The following GLIS3 variants were observed in gnomAD, a reference collection of about 807,000 sequenced individuals.
GLIS3 encodes the protein GLIS family zinc finger 3, also known as zinc finger protein GLIS3.
A neutral mutation model predicts 78.6 loss-of-function variants in GLIS3; 53 were observed. The ratio of observed to expected loss-of-function variants is 0.67; its 90% CI spans 0.54 to 0.85. The LOEUF (loss-of-function observed/expected upper bound fraction) is 0.85, where lower values mean the gene tolerates loss of function less well. Among genes scored for constraint, GLIS3 ranks in the 40% least tolerant of loss-of-function variants. The pLI is 0.00. For missense variants in GLIS3, 1,703 were observed against 1,231.1 expected (o/e 1.38, Z -5.74); for synonymous variants, 684 against 509.9 (o/e 1.34, Z -4.60).
intron 6 of GLIS3, among the ~76,000 whole-genome samples, chr9:3,900,518 C>CAAAT (rs1823216012): frequency 6.6e-6 from 1 of 151,950 alleles, no homozygotes; most frequent in South Asian, 2.1e-4. Flanking sequence ...ATATATAAAA[C>CAAAT]AAATAGCATT....
chr9:4,231,489 A>C (rs760776983), intron 2 of GLIS3, among the ~76,000 whole-genome samples: 19 of 152,340 alleles, frequency 1.2e-4, no homozygotes, highest in Middle Eastern at 3.4e-3. Flanking sequence ...ATTTGGAGAG[A>C]TCTTCCAGAA....
chr9:3,990,523 T>C (rs527270967), intron 4 of GLIS3, among the ~76,000 whole-genome samples: 1 of 152,318 alleles, frequency 6.6e-6, no homozygotes, highest in African/African-American at 2.4e-5. Flanking sequence ...ATTTAATCTG[T>C]GGCATGCGAA....
intron 2 of GLIS3, among the ~76,000 whole-genome samples, chr9:4,317,718 G>A (rs574720192): frequency 8.4e-4 from 128 of 152,216 alleles, no homozygotes; most frequent in African/African-American, 3.0e-3. Context: ...AAATGAGCAG[G>A]CATTATTCAA....
At chr9:3,855,152 A>C (rs377559079) in intron 9 of GLIS3, among the ~76,000 whole-genome samples, 1 of 152,222 alleles carries the variant, frequency 6.6e-6, no homozygotes, top group Non-Finnish European at 1.5e-5. Flanking sequence ...TGGCAATTCA[A>C]CTTTCTATGG....
chr9:4,015,802 C>A (rs959216773), intron 4 of GLIS3, among the ~76,000 whole-genome samples: 2 of 147,804 alleles, frequency 1.4e-5, no homozygotes, highest in Admixed American at 1.4e-4. Context: ...GGCAGGAGAA[C>A]TGCTTGAACC....
At chr9:3,984,512 G>A (rs1819568434) in intron 4 of GLIS3, among the ~76,000 whole-genome samples, 1 of 152,214 alleles carries the variant, frequency 6.6e-6, no homozygotes. Context: ...TTTACCCAAT[G>A]CCTGTACCCC....
chr9:4,285,329 T>A (rs1215434447), intron 2 of GLIS3, among the ~76,000 whole-genome samples: 1 of 152,180 alleles, frequency 6.6e-6, no homozygotes, highest in Non-Finnish European at 1.5e-5. Flanking sequence ...TCACCAACAA[T>A]TATTCTTTAA....
At chr9:4,167,616 T>C (rs573326293) in intron 2 of GLIS3, among the ~76,000 whole-genome samples, 9 of 152,116 alleles carry the variant, frequency 5.9e-5, no homozygotes, top group Non-Finnish European at 1.2e-4. Flanking sequence ...GTACATAAAG[T>C]GAGGATTAGA....
intron 2 of GLIS3, among the ~76,000 whole-genome samples, chr9:4,182,196 G>A (rs1817390134): frequency 6.6e-6 from 1 of 152,026 alleles, no homozygotes; most frequent in East Asian, 1.9e-4. Context: ...TTTCAAATTG[G>A]TGCCATCTGG....
chr9:4,098,865 G>T (rs901615717), intron 4 of GLIS3, among the ~76,000 whole-genome samples: 1 of 152,038 alleles, frequency 6.6e-6, no homozygotes, highest in Admixed American at 6.6e-5. Context: ...ACATAAACCC[G>T]CATGCAGAGC....
At chr9:4,138,778 T>C (rs986839916) in intron 2 of GLIS3, among the ~76,000 whole-genome samples, 1 of 152,184 alleles carries the variant, frequency 6.6e-6, no homozygotes, top group Non-Finnish European at 1.5e-5. Flanking sequence ...ATAAGTCACG[T>C]ATGTAGACCA....
At chr9:4,397,381 A>C in the GLIS3 span, among the ~76,000 whole-genome samples, 1 of 151,604 alleles carries the variant, frequency 6.6e-6, no homozygotes, top group Admixed American at 6.6e-5. Context: ...AACCTATTGC[A>C]AGTTTGAAGA....
At chr9:4,246,263 A>G (rs867240883) in intron 2 of GLIS3, among the ~76,000 whole-genome samples, 5 of 152,304 alleles carry the variant, frequency 3.3e-5, no homozygotes, top group Middle Eastern at 6.8e-3. Flanking sequence ...ACAATTTTAA[A>G]TAACTATTTC....
At chr9:4,454,585 A>G in the GLIS3 span, among the ~76,000 whole-genome samples, 1,529 of 152,302 alleles carry the variant, frequency 0.01, 17 homozygotes, top group Non-Finnish European at 0.014. Context: ...TCTAGGAGAT[A>G]CTAGTGGACA....
At chr9:4,175,989 T>A (rs1474738855) in intron 2 of GLIS3, among the ~76,000 whole-genome samples, 1 of 152,172 alleles carries the variant, frequency 6.6e-6, no homozygotes, top group East Asian at 1.9e-4. Context: ...TGAAAATATC[T>A]TTATGTTGAT....
chr9:4,386,853 G>A, the GLIS3 span, among the ~76,000 whole-genome samples: 1 of 152,176 alleles, frequency 6.6e-6, no homozygotes, highest in African/African-American at 2.4e-5. Context: ...CCCACTGAGA[G>A]ATGTGATCCC....
intron 4 of GLIS3, among the ~76,000 whole-genome samples, chr9:4,056,192 A>G (rs1443484831): frequency 1.3e-5 from 2 of 152,236 alleles, no homozygotes; most frequent in Non-Finnish European, 2.9e-5. Context: ...GGTGTCCTGC[A>G]AAGTAGAATT....
At chr9:3,897,434 C>CATAT (rs145872957) in intron 7 of GLIS3, among the ~76,000 whole-genome samples, 9 of 150,314 alleles carry the variant, frequency 6.0e-5, no homozygotes, top group Admixed American at 2.0e-4. Context: ...CATGGTTTTT[C>CATAT]ATATATATAT....
the GLIS3 span, among the ~76,000 whole-genome samples, chr9:4,358,990 C>A: frequency 6.6e-5 from 10 of 151,930 alleles, no homozygotes. Context: ...TAGTCCCATC[C>A]TCAGCAATCC....
Sources: allele counts gnomAD v4.1 joint callset (sites outside exome capture counted in the v4.1 genomes callset), GRCh38; gene constraint gnomAD v4.1.1; transcripts MANE v1.5; gene names NCBI Gene and HGNC (gene_info 2026-07-23, HGNC 2026-07-21).